SMARCE1: variants seen among roughly 807,000 people sequenced by gnomAD.
SMARCE1 encodes the protein SWI/SNF related BAF chromatin remodeling complex subunit E1.
In SMARCE1, 13 loss-of-function variants were observed where a neutral mutation model predicts 54.9. The ratio of observed to expected loss-of-function variants is 0.24; its 90% CI spans 0.15 to 0.38. SMARCE1 has a LOEUF of 0.38. Ranked by LOEUF, SMARCE1 falls within the 10% of genes least tolerant of loss-of-function variation. The probability of loss-of-function intolerance (pLI) is 1.00; values close to 1 mark genes in which losing one functional copy is unlikely to be tolerated. For missense variants in SMARCE1, 295 were observed against 523.8 expected (o/e 0.56, Z 4.26); for synonymous variants, 151 against 175.3 (o/e 0.86, Z 1.10).
rs917924618 is a variant in SMARCE1 at position 40,645,470 on chromosome 17, T to C, written c.51+106A>G. ...TTTTTTTTTTTCTTTTAAGCTGAAT[T>C]TCATCCTGTTGCTGTGATGATTGAG... On this transcript the variant is annotated intron_variant, in intron 3 of 10. Transcript: ENST00000348513. 5.8e-5 allele frequency: 36 copies of C among 619,102 alleles called. No homozygotes were observed. The African/African-American group carries it at 6.8e-4, about 12-fold the overall frequency. The allele number at this position is 619,102 out of a possible 1,614,324, so 38.4% of individuals were successfully genotyped here. A position where few individuals can be genotyped will look rare whatever the true frequency, so the allele number is the denominator to read the frequency against.
chr17:40,643,883 A>G (rs2037223268), intron 3 of SMARCE1: 1 of 152,474 alleles, frequency 6.6e-6, no homozygotes, highest in Non-Finnish European at 1.5e-5. Context: ...TTAAGTAGGC[A>G]AAACACAGTT....
intron 4 of SMARCE1, among the ~76,000 whole-genome samples, chr17:40,639,274 A>G (rs1026435787): frequency 1.3e-5 from 2 of 152,200 alleles, no homozygotes; most frequent in African/African-American, 4.8e-5. Flanking sequence ...ACAGACACAC[A>G]CAAGTCTGCT....
intron 10 of SMARCE1, chr17:40,629,616 G>A (rs545380845): frequency 1.7e-5 from 13 of 756,944 alleles, no homozygotes; most frequent in East Asian, 6.8e-5. Flanking sequence ...AGTCTCAAAC[G>A]ATTTTCTTCA....
In SMARCE1 at chr17:40,627,452, A is replaced by G. The variant is rs2037046624; in HGVS notation, c.*1333T>C. ...TCCATATTCCTGTTAATGTAGAAAC[A>G]TATTCCCTTTACTTTTGGAATCAAA... On this transcript the variant is annotated 3_prime_UTR_variant, in exon 11 of 11. Transcript: ENST00000348513. 6.6e-6 allele frequency: 1 copy of G among 152,246 alleles called. No individual in the cohort carries two copies. Among genetic ancestry groups the G allele is most frequent in the Non-Finnish European group, 1.5e-5 (1 of 68,044 alleles). 9.4% of individuals were successfully genotyped at this position (152,246 alleles called of 1,614,324 possible).
intron 4 of SMARCE1, 182 bp from the exon 5 acceptor site, chr17:40,637,754 A>G: frequency 3.4e-6 from 2 of 584,400 alleles, no homozygotes; most frequent in Non-Finnish European, 3.1e-6. Context: ...TAAGCACATA[A>G]TTTTTAAATG....
At chr17:40,645,412 T>A (rs1340474291) in intron 3 of SMARCE1, 164 bp downstream of exon 3, 1 of 490,912 alleles carries the variant, frequency 2.0e-6, no homozygotes, top group Admixed American at 4.2e-5. Flanking sequence ...CAAGGAAAGA[T>A]GCAAATAATT....
At chr17:40,641,680 T>C (rs2037201254) in intron 4 of SMARCE1, 1 of 152,222 alleles carries the variant, frequency 6.6e-6, no homozygotes, top group Non-Finnish European at 1.5e-5. Flanking sequence ...TTTATAATTA[T>C]TGGCATTTTT....
intron 8 of SMARCE1, 123 bp downstream of exon 8, chr17:40,632,072 C>T: frequency 1.3e-6 from 1 of 780,500 alleles, no homozygotes; most frequent in Middle Eastern, 3.9e-4. Context: ...ACCTCTTCTC[C>T]AAATCAGGAA....
intron 3 of SMARCE1, chr17:40,645,078 GC>G (rs2037240767): frequency 6.1e-6 from 1 of 163,092 alleles, no homozygotes; most frequent in Admixed American, 6.4e-5. Flanking sequence ...AGCAAGATCT[GC>G]CCCATAGATA....
intron 10 of SMARCE1, chr17:40,629,688 A>G: frequency 2.4e-6 from 1 of 408,502 alleles, no homozygotes; most frequent in Non-Finnish European, 4.2e-6. Flanking sequence ...AGCATAAGAC[A>G]TGCCCCATTC....
At chr17:40,646,439 A>C (rs2037257566) in intron 1 of SMARCE1, among the ~76,000 whole-genome samples, 1 of 152,190 alleles carries the variant, frequency 6.6e-6, no homozygotes, top group South Asian at 2.1e-4. Flanking sequence ...CCCATTTCAA[A>C]ATTTTTCTCC....
chr17:40,644,777 T>A (rs891556686), intron 3 of SMARCE1: 3 of 151,908 alleles, frequency 2.0e-5, no homozygotes, highest in Non-Finnish European at 2.9e-5. Flanking sequence ...GTGGTGGGGG[T>A]ATGGAAGGAA....
chr17:40,645,168 T>G (rs2037241840), intron 3 of SMARCE1: 2 of 272,904 alleles, frequency 7.3e-6, no homozygotes, highest in Non-Finnish European at 1.3e-5. Context: ...ATGAAAATTT[T>G]AGAGAGAGAC....
At position 40,631,440 on chromosome 17, in the gene SMARCE1, T is replaced by C. The variant is rs2037094712; in HGVS notation, c.816+152A>G. The stretch of plus-strand genomic sequence containing the variant: ...TTTTGCCAGAGAATGGGAACAATCT[T>C]ATAAAAAAAGGATCCTACAGGTTTA... On this transcript the variant is annotated intron_variant, in intron 9 of 10. Transcript: ENST00000348513. 4 of 565,554 alleles carry C rather than the reference T, an allele frequency of 7.1e-6. No homozygotes were observed. The East Asian group carries it at 1.2e-4, about 16-fold the overall frequency. The allele number at this position is 565,554 out of a possible 1,614,324, so 35.0% of individuals were successfully genotyped here.
intron 10 of SMARCE1, 65 bp downstream of exon 10, chr17:40,630,649 A>T: frequency 7.3e-7 from 1 of 1,363,444 alleles, no homozygotes; most frequent in Non-Finnish European, 1.0e-6. Flanking sequence ...AGAAAGAAAA[A>T]CCTAAATTAA....
rs1220432537 is a variant in SMARCE1, at chr17:40,642,752, G to GT, written c.52-194dup. On this transcript the variant is annotated intron_variant, in intron 3 of 10. Coordinates refer to ENST00000348513, the MANE Select transcript of SMARCE1 (RefSeq NM_003079.5). The surrounding 1 kb of genome is among the most constrained non-coding windows in gnomAD (Gnocchi z 4.6). ...TCTTTCATTGAGAAACCTGTCTGCA[G>GT]TGTCTTTTGGTTGTTTTTCTCTTTC... 1.8e-4 allele frequency: 100 copies of GT among 548,688 alleles called. 1 individual carries two copies. The South Asian group carries it at 2.2e-3, about 12-fold the overall frequency. 34.0% of individuals were successfully genotyped at this position (548,688 alleles called of 1,614,324 possible). A position where few individuals can be genotyped will look rare whatever the true frequency, so the allele number is the denominator to read the frequency against.
At chr17:40,647,226 C>G (rs542814487) in intron 1 of SMARCE1, 2 of 152,292 alleles carry the variant, frequency 1.3e-5, no homozygotes, top group East Asian at 1.9e-4. Flanking sequence ...GACACTATTT[C>G]GCTTAACACT....
intron 5 of SMARCE1, 95 bp from the exon 6 acceptor site, chr17:40,636,621 G>A: frequency 1.0e-6 from 1 of 991,976 alleles, no homozygotes; most frequent in Non-Finnish European, 1.5e-6. Flanking sequence ...AACATACAAA[G>A]CAGAGAAAAC....
Position 40,642,297 on chromosome 17 carries a change from G to T in SMARCE1, c.156+158C>A. 1.5e-6 allele frequency: 1 copy of T among 689,482 alleles called. No homozygotes were observed. The highest frequency in any genetic ancestry group is 1.8e-5 in the African/African-American group (1 of 55,802). 42.7% of individuals were successfully genotyped at this position (689,482 alleles called of 1,614,324 possible). A position where few individuals can be genotyped will look rare whatever the true frequency, so the allele number is the denominator to read the frequency against. ...CCAGATCTCACTATTTATTTTTTCA[G>T]TGTGAGATGCTACAACGAATGTTGA... On this transcript the variant is annotated intron_variant, in intron 4 of 10. Transcript: ENST00000348513. This position sits in a 1 kb window ranked among gnomAD's most constrained non-coding sequence, Gnocchi z 4.6.
Sources: allele counts gnomAD v4.1 joint callset (sites outside exome capture counted in the v4.1 genomes callset), GRCh38; gene constraint gnomAD v4.1.1; non-coding constraint Gnocchi (gnomAD v3.1); transcripts MANE v1.5; gene names NCBI Gene and HGNC (gene_info 2026-07-23, HGNC 2026-07-21).